The following PRR23E variants were observed in gnomAD, a reference collection of about 807,000 sequenced individuals.
The protein encoded by PRR23E is proline-rich protein 23E.
At chr3:127,193,670 G>T in the PRR23E span, among the ~76,000 whole-genome samples, 2 of 152,196 alleles carry the variant, frequency 1.3e-5, no homozygotes, top group Non-Finnish European at 2.9e-5. Flanking sequence ...CCAGATGAAG[G>T]CAGTCTGGCT....
At chr3:127,197,562 G>A in the PRR23E span, 2 of 515,324 alleles carry the variant, frequency 3.9e-6, no homozygotes, top group South Asian at 7.4e-5. Context: ...ACTCATGCAA[G>A]GCCCCTCTAT....
chr3:127,197,390 C>T, the PRR23E span: 19 of 1,558,018 alleles, frequency 1.2e-5, no homozygotes, highest in East Asian at 4.5e-5. Context: ...CCTGCAGGGC[C>T]CGCCGCCGCC....
the PRR23E span, chr3:127,197,660 C>A: frequency 2.6e-6 from 1 of 380,106 alleles, no homozygotes; most frequent in South Asian, 1.3e-4. Context: ...CCTGGGCCCG[C>A]CCTCTAGTAG....
At chr3:127,197,540 T>C in the PRR23E span, 2 of 731,834 alleles carry the variant, frequency 2.7e-6, no homozygotes, top group Middle Eastern at 7.8e-4. Context: ...CAGTACAGAG[T>C]ACACCTCCTG....
the PRR23E span, among the ~76,000 whole-genome samples, chr3:127,194,821 T>C: frequency 6.6e-6 from 1 of 152,208 alleles, no homozygotes; most frequent in African/African-American, 2.4e-5. Context: ...CTGGCTGTCA[T>C]TGTGTGTCCT....
At chr3:127,195,532 A>G in the PRR23E span, among the ~76,000 whole-genome samples, 2 of 152,030 alleles carry the variant, frequency 1.3e-5, no homozygotes, top group Non-Finnish European at 2.9e-5. Context: ...CCTGACTCCA[A>G]TGGGCAGCCT....
the PRR23E span, chr3:127,197,666 A>C: frequency 2.7e-6 from 1 of 370,706 alleles, no homozygotes; most frequent in East Asian, 4.0e-5. Context: ...CCCGCCCTCT[A>C]GTAGATTTGC....
chr3:127,197,189 T>C, the PRR23E span: 1 of 1,593,442 alleles, frequency 6.3e-7, no homozygotes, highest in Non-Finnish European at 8.5e-7. Context: ...CCCCCAGGGC[T>C]GCCGTAGAGG....
the PRR23E span, among the ~76,000 whole-genome samples, chr3:127,195,266 T>C: frequency 6.6e-6 from 1 of 152,156 alleles, no homozygotes; most frequent in Non-Finnish European, 1.5e-5. Flanking sequence ...CCTCTCCTTC[T>C]CCTTACATCC....
At chr3:127,194,609 A>C in the PRR23E span, among the ~76,000 whole-genome samples, 3 of 152,140 alleles carry the variant, frequency 2.0e-5, no homozygotes, top group African/African-American at 7.2e-5. Context: ...TTCTCAGTGC[A>C]TTTCGGTTTC....
At chr3:127,196,498 T>G in the PRR23E span, 1 of 921,120 alleles carries the variant, frequency 1.1e-6, no homozygotes, top group East Asian at 2.7e-5. Flanking sequence ...TTGGCTCTTC[T>G]GTCACCTCAC....
chr3:127,195,233 C>T, the PRR23E span, among the ~76,000 whole-genome samples: 1 of 152,308 alleles, frequency 6.6e-6, no homozygotes, highest in East Asian at 1.9e-4. Context: ...AAGACAGAAA[C>T]TTGAACATCT....
chr3:127,195,234 T>C, the PRR23E span, among the ~76,000 whole-genome samples: 4 of 152,262 alleles, frequency 2.6e-5, no homozygotes, highest in East Asian at 5.8e-4. Flanking sequence ...AGACAGAAAC[T>C]TGAACATCTG....
the PRR23E span, chr3:127,197,421 C>G: frequency 2.7e-5 from 41 of 1,515,916 alleles, no homozygotes; most frequent in Non-Finnish European, 3.5e-5. Context: ...CTAATCAGCC[C>G]TCTAGACCCA....
At chr3:127,195,810 C>T in the PRR23E span, among the ~76,000 whole-genome samples, 1 of 152,318 alleles carries the variant, frequency 6.6e-6, no homozygotes, top group Non-Finnish European at 1.5e-5. Context: ...ATCCTTGTCA[C>T]CTAAGACAGT....
At chr3:127,195,952 C>T in the PRR23E span, among the ~76,000 whole-genome samples, 2 of 152,300 alleles carry the variant, frequency 1.3e-5, no homozygotes, top group South Asian at 2.1e-4. Flanking sequence ...GATACTGGGC[C>T]TTTGATCATC....
the PRR23E span, among the ~76,000 whole-genome samples, chr3:127,194,751 A>G: frequency 4.6e-5 from 7 of 152,014 alleles, no homozygotes; most frequent in Non-Finnish European, 1.0e-4. Context: ...GCCTCCTCCT[A>G]CTGGTCCTCA....
At chr3:127,195,641 C>G in the PRR23E span, among the ~76,000 whole-genome samples, 1 of 152,076 alleles carries the variant, frequency 6.6e-6, no homozygotes, top group African/African-American at 2.4e-5. Flanking sequence ...TGGGGTGTTT[C>G]CAGTCAGCTG....
At chr3:127,196,687 T>C in the PRR23E span, 3 of 1,586,998 alleles carry the variant, frequency 1.9e-6, no homozygotes, top group Non-Finnish European at 2.6e-6. Context: ...TCATCTAAGA[T>C]GGGCACAGGT....
Sources: gnomAD v4.1 joint callset for allele counts (sites outside exome capture counted in the v4.1 genomes callset) on GRCh38, gnomAD v4.1.1 for gene constraint, MANE v1.5 for transcripts, NCBI Gene and HGNC (gene_info 2026-07-23, HGNC 2026-07-21) for gene names.